Variants in ZNF701 observed in about 807,000 individuals in gnomAD.
The protein encoded by ZNF701 is zinc finger protein 701.
ZNF701 carries 6 observed loss-of-function variants against 7.1 expected under a neutral mutation model. The observed-to-expected ratio is 0.84, with a 90% CI of 0.46 to 1.66. The LOEUF is 1.66. ZNF701 is among the 40% of genes most tolerant of loss of function. ZNF701 has a pLI of 0.01. For synonymous variants in ZNF701, 166 were observed against 188.2 expected (o/e 0.88, Z 0.97); for missense variants, 541 against 559.2 (o/e 0.97, Z 0.33).
chr19:52,573,440 T>G (rs2059913114), intron 1 of ZNF701, among the ~76,000 whole-genome samples: 1 of 152,156 alleles, frequency 6.6e-6, no homozygotes, highest in Non-Finnish European at 1.5e-5. Context: ...TTTCACCATG[T>G]TGGCCAGGCT....
chr19:52,589,158 C>G (rs548562122), downstream of ZNF701, among the ~76,000 whole-genome samples: 5 of 152,276 alleles, frequency 3.3e-5, no homozygotes, highest in South Asian at 8.3e-4. Flanking sequence ...TGCAGAGGTG[C>G]CCTCTCTGAC....
chr19:52,583,020 A>G lies in ZNF701; in HGVS notation c.961A>G (p.Thr321Ala), dbSNP rs2059986683. The G allele has an allele frequency of 1.2e-6, 2 of 1,613,870 alleles. No individual in the cohort carries two copies. The highest frequency in any genetic ancestry group is 1.7e-6 in the Non-Finnish European group (2 of 1,179,988). Reference sequence around the variant, plus strand: ...CCTTGCACGTCATCATAGAGTTCATACTGGAGAGAAACCTTACAAATGTGA... The same window carrying G: ...CCTTGCACGTCATCATAGAGTTCATGCTGGAGAGAAACCTTACAAATGTGA... Reference protein sequence around the residue: ...SNLARHHRVHTGEKPYKCEEC... With the variant: ...SNLARHHRVHAGEKPYKCEEC... Residue 321 changes from threonine (T) to alanine (A), a missense_variant, in exon 4 of 4, where the codon ACT becomes GCT. Coordinates refer to ENST00000391785, the MANE Select transcript of ZNF701 (RefSeq NM_018260.3).
chr19:52,593,123 A>G, the ZNF701 span, among the ~76,000 whole-genome samples: 1 of 118,600 alleles, frequency 8.4e-6, no homozygotes, highest in Admixed American at 8.7e-5. Context: ...CAGGATCCCA[A>G]GGCAGAAGAA....
rs144829297 is a variant in ZNF701 at position 52,571,320 on chromosome 19, C to G, written c.-72+990C>G. Among the ~76,000 whole-genome samples, 1,199 of 151,652 alleles carry G rather than the reference C, an allele frequency of 7.9e-3. 8 individuals are homozygous for G. The highest frequency in any genetic ancestry group is 0.045 in the Middle Eastern group (13 of 292). On this transcript the variant is annotated intron_variant, in intron 1 of 3. Transcript: ENST00000391785. ...GGTGGCAAGGAGAACAGAGGGAGAA[C>G]CACAGCAGGGAGGACGCCTGGGGAT...
chr19:52,578,446 T>C lies in ZNF701; in HGVS notation c.142+2425T>C, dbSNP rs187929227. On this transcript the variant is annotated intron_variant, in intron 3 of 3. Coordinates refer to ENST00000391785, the MANE Select transcript of ZNF701 (RefSeq NM_018260.3). ...CCCCTTGTCTTGTATGCAATAAATATCAGCGCACCCAGCTGTTTGGGGCCA... is the reference window on the plus strand; with the variant it reads ...CCCCTTGTCTTGTATGCAATAAATACCAGCGCACCCAGCTGTTTGGGGCCA... Among the ~76,000 whole-genome samples, 806 of 152,206 alleles carry C rather than the reference T, an allele frequency of 5.3e-3. 6 individuals carry two copies. Among genetic ancestry groups the C allele is most frequent in the African/African-American group, 0.018 (748 of 41,524 alleles).
rs1401670779 is a variant in ZNF701, at chr19:52,582,503, G to A, written c.444G>A (p.Leu148=). The A allele has an allele frequency of 1.9e-6, 3 of 1,614,150 alleles. No individual in the cohort carries two copies. The South Asian group carries it at 3.3e-5, about 18-fold the overall frequency. The change falls in exon 4 of 4, where the codon CTG becomes CTA. Residue 148 remains leucine (L), a synonymous_variant. Coordinates refer to ENST00000391785, the MANE Select transcript of ZNF701 (RefSeq NM_018260.3). ...NELGSSFHSH[L]PEVHIFHPEG... Reference sequence around the variant, plus strand: ...TTGGATCAAGCTTTCATTCGCATCTGCCTGAAGTGCACATATTTCACCCCG... The same window carrying A: ...TTGGATCAAGCTTTCATTCGCATCTACCTGAAGTGCACATATTTCACCCCG...
intron 1 of ZNF701, 136 bp from the exon 2 acceptor site, chr19:52,573,941 T>C: frequency 1.1e-6 from 1 of 926,762 alleles, no homozygotes; most frequent in African/African-American, 1.6e-5. Context: ...CTTATAGAAA[T>C]TTATTATCCC....
intron 3 of ZNF701, among the ~76,000 whole-genome samples, chr19:52,577,977 G>A (rs566761490): frequency 7.2e-5 from 11 of 152,158 alleles, no homozygotes; most frequent in Admixed American, 2.6e-4. Context: ...TAGAAGAGCC[G>A]GGCGCAGTGG....
chr19:52,596,520 G>T, the ZNF701 span: 1 of 413,406 alleles, frequency 2.4e-6, no homozygotes, highest in South Asian at 1.9e-5. Context: ...AGTTCATACT[G>T]GAGAGAAATG....
downstream of ZNF701, among the ~76,000 whole-genome samples, chr19:52,590,176 C>T (rs1219954875): frequency 6.6e-6 from 1 of 151,546 alleles, no homozygotes; most frequent in Non-Finnish European, 1.5e-5. Flanking sequence ...TCTCAGCTCA[C>T]TGCAACCTCT....
chr19:52,596,978 A>G, the ZNF701 span: 1 of 835,672 alleles, frequency 1.2e-6, no homozygotes. Context: ...TTTATCATCA[A>G]GCAATCCATG....
In ZNF701 at chr19:52,581,838, A is replaced by G. The variant is rs554644904; in HGVS notation, c.143-364A>G. ...TAGCATTTATTTATTTACACTAAGT[A>G]CCCTATAAATATGAAGAATATATAT... On this transcript the variant is annotated intron_variant, in intron 3 of 3. Transcript: ENST00000391785. 1.4e-4 allele frequency among the ~76,000 whole-genome samples: 21 copies of G among 152,268 alleles called. No homozygotes were observed. The South Asian group carries it at 4.4e-3, about 32-fold the overall frequency.
At position 52,584,023 on chromosome 19, in the gene ZNF701, C is replaced by G; in HGVS notation, c.*566C>G. The stretch of plus-strand genomic sequence containing the variant: ...CTTTTGCAAAACGGGAGAATTCATA[C>G]AGGAGAGAAACCTCACAAGTGTGAT... On this transcript the variant is annotated 3_prime_UTR_variant, in exon 4 of 4. Coordinates refer to ENST00000391785, the MANE Select transcript of ZNF701 (RefSeq NM_018260.3). 1 of 447,672 alleles carries G rather than the reference C, an allele frequency of 2.2e-6. No individual in the cohort carries two copies. The highest frequency in any genetic ancestry group is 3.5e-4 in the Middle Eastern group (1 of 2,886). 27.7% of individuals were successfully genotyped at this position (447,672 alleles called of 1,614,324 possible). A position where few individuals can be genotyped will look rare whatever the true frequency, so the allele number is the denominator to read the frequency against.
intron 1 of ZNF701, among the ~76,000 whole-genome samples, chr19:52,571,632 T>A (rs925392073): frequency 2.0e-5 from 3 of 152,058 alleles, no homozygotes; most frequent in Non-Finnish European, 4.4e-5. Flanking sequence ...AGTGTTGGAA[T>A]TACAGGCGTG....
chr19:52,595,430 T>G, the ZNF701 span, among the ~76,000 whole-genome samples: 1 of 120,066 alleles, frequency 8.3e-6, no homozygotes, highest in African/African-American at 3.2e-5. Flanking sequence ...TCACTACACC[T>G]GGCTAATTTT....
At position 52,577,075 on chromosome 19, in the gene ZNF701, C is replaced by T. The variant is rs144113163; in HGVS notation, c.142+1054C>T. On this transcript the variant is annotated intron_variant, in intron 3 of 3. Transcript: ENST00000391785. ...TCTGAAATGACATCTTTCTTTGCCC[C>T]CACTTATCCCTCTGCTCTTCCTTTC... Among the ~76,000 whole-genome samples, 257 of 152,210 alleles carry T rather than the reference C, an allele frequency of 1.7e-3. 1 individual carries two copies. Among genetic ancestry groups the T allele is most frequent in the African/African-American group, 5.8e-3 (239 of 41,534 alleles).
downstream of ZNF701, among the ~76,000 whole-genome samples, chr19:52,587,934 G>A (rs1315633470): frequency 5.3e-5 from 8 of 152,290 alleles, no homozygotes; most frequent in Admixed American, 3.3e-4. Flanking sequence ...AGGTGAGGGG[G>A]CTGTGCTCTG....
chr19:52,595,890 A>T, the ZNF701 span: 1 of 1,613,074 alleles, frequency 6.2e-7, no homozygotes, highest in Non-Finnish European at 8.5e-7. Flanking sequence ...ATTAAAGATC[A>T]GCTTGGATCA....
In ZNF701 at chr19:52,583,631, G is replaced by A. The variant is rs974063688; in HGVS notation, c.*174G>A. 46 of 1,287,302 alleles carry A rather than the reference G, an allele frequency of 3.6e-5. No individual in the cohort carries two copies. The highest frequency in any genetic ancestry group is 4.8e-5 in the Non-Finnish European group (42 of 883,472). The allele number at this position is 1,287,302 out of a possible 1,614,324, so 79.7% of individuals were successfully genotyped here. ...CTGGAGAGAAACCATACAAATGTAA[G>A]GTTTGTGACAAGGATTTCGGGTGTG... On this transcript the variant is annotated 3_prime_UTR_variant, in exon 4 of 4. Transcript: ENST00000391785.
Sources: allele counts gnomAD v4.1 joint callset (sites outside exome capture counted in the v4.1 genomes callset), GRCh38; gene constraint gnomAD v4.1.1; transcripts MANE v1.5; gene names NCBI Gene and HGNC (gene_info 2026-07-23, HGNC 2026-07-21).